PHF21A: variants seen among roughly 807,000 people sequenced by gnomAD.
PHF21A encodes BHC80a.
PHF21A carries 11 observed loss-of-function variants against 82.5 expected under a neutral mutation model. The ratio of observed to expected loss-of-function variants is 0.13; its 90% confidence interval spans 0.08 to 0.22. PHF21A has a LOEUF of 0.22. PHF21A is among the 10% of genes least tolerant of loss of function. PHF21A has a pLI of 1.00. For synonymous variants in PHF21A, 297 were observed against 302.8 expected, an observed-to-expected ratio of 0.98 and a Z score of 0.20; for missense variants, 579 against 837.8, an observed-to-expected ratio of 0.69 and a Z score of 3.81.
At chr11:46,007,692 G>A (rs994978443) in intron 6 of PHF21A, among the ~76,000 whole-genome samples, 5 of 152,042 alleles carry the variant, frequency 3.3e-5, no homozygotes, top group South Asian at 2.1e-4. Flanking sequence ...TATTAAATCC[G>A]TCATTTTAAA....
intron 6 of PHF21A, among the ~76,000 whole-genome samples, chr11:46,021,041 G>A (rs908547270): frequency 3.3e-5 from 5 of 151,324 alleles, no homozygotes; most frequent in African/African-American, 9.7e-5. Flanking sequence ...AATATGGAAG[G>A]GACCATTAGA....
chr11:46,036,462 GA>G (rs2096005906), intron 6 of PHF21A, among the ~76,000 whole-genome samples: 2 of 152,262 alleles, frequency 1.3e-5, no homozygotes, highest in Non-Finnish European at 2.9e-5. Flanking sequence ...ATATTCACTG[GA>G]ATTTTGAAGA....
Position 45,949,417 on chromosome 11 carries a change from T to C in PHF21A, c.1212A>G (p.Ala404=), listed in dbSNP as rs188111239. The C allele has an allele frequency of 2.5e-6, 4 of 1,614,144 alleles. No individual in the cohort carries two copies. Among genetic ancestry groups the C allele is most frequent in the Middle Eastern group, 1.6e-4 (1 of 6,062 alleles). ...RTTANPVYSG[A]VFEPERKKSA... Reference sequence around the variant, plus strand: ...CCAGTAATACCTCTGGCTCAAAGACTGCTCCACTGTAGACCGGATTTGCTG... The same window carrying C: ...CCAGTAATACCTCTGGCTCAAAGACCGCTCCACTGTAGACCGGATTTGCTG... The change falls in exon 13 of 19, where the codon GCA becomes GCG. Residue 404 remains alanine (A), a synonymous_variant. Transcript: ENST00000676320.
intron 6 of PHF21A, among the ~76,000 whole-genome samples, chr11:45,984,553 G>T (rs963457970): frequency 6.6e-6 from 1 of 152,170 alleles, no homozygotes; most frequent in East Asian, 1.9e-4. Context: ...GAAAAATACG[G>T]AATTTTATAG....
intron 7 of PHF21A, among the ~76,000 whole-genome samples, chr11:45,976,972 G>T (rs1307888676): frequency 6.6e-6 from 1 of 152,106 alleles, no homozygotes; most frequent in African/African-American, 2.4e-5. Context: ...ATTTAAAAAA[G>T]GTTGGCAAAA....
chr11:45,992,967 G>A (rs1399963852), intron 6 of PHF21A, among the ~76,000 whole-genome samples: 1 of 152,200 alleles, frequency 6.6e-6, no homozygotes, highest in Non-Finnish European at 1.5e-5. Flanking sequence ...TTAAAGAGCT[G>A]TAGAGTAGAG....
chr11:46,087,679 G>A (rs2096872643), intron 3 of PHF21A, among the ~76,000 whole-genome samples: 1 of 152,140 alleles, frequency 6.6e-6, no homozygotes, highest in Non-Finnish European at 1.5e-5. Flanking sequence ...AATCTTGTTT[G>A]TTTAATTTTA....
intron 9 of PHF21A, among the ~76,000 whole-genome samples, chr11:45,966,880 G>A (rs1038307731): frequency 2.6e-5 from 4 of 152,154 alleles, no homozygotes; most frequent in African/African-American, 9.7e-5. Context: ...GCCTCCCAGA[G>A]TGCTGGGATT....
intron 6 of PHF21A, among the ~76,000 whole-genome samples, chr11:46,068,856 T>G (rs773209259): frequency 1.6e-4 from 24 of 152,234 alleles, no homozygotes; most frequent in Non-Finnish European, 2.8e-4. Context: ...AGCAAACTGA[T>G]GCATCTGGTA....
intron 15 of PHF21A, 93 bp downstream of exon 15, chr11:45,945,747 A>T: frequency 9.4e-7 from 1 of 1,060,334 alleles, no homozygotes; most frequent in Non-Finnish European, 1.4e-6. Context: ...GGGTTAGTCA[A>T]GAAGGTGCAA....
intron 1 of PHF21A, among the ~76,000 whole-genome samples, chr11:46,109,732 A>T (rs1396908332): frequency 6.6e-6 from 1 of 152,190 alleles, no homozygotes; most frequent in Non-Finnish European, 1.5e-5. Context: ...CTGTAATCCC[A>T]GCACTTTGGG....
chr11:45,965,002 C>G (rs1402299310), intron 10 of PHF21A, among the ~76,000 whole-genome samples: 3 of 152,180 alleles, frequency 2.0e-5, no homozygotes, highest in Non-Finnish European at 4.4e-5. Context: ...TTTCTGTTTA[C>G]TACCTCATCT....
At chr11:46,056,761 G>A (rs1565770316) in intron 6 of PHF21A, among the ~76,000 whole-genome samples, 1 of 152,114 alleles carries the variant, frequency 6.6e-6, no homozygotes, top group Non-Finnish European at 1.5e-5. Flanking sequence ...AAGACCCTTA[G>A]AGAGGGAAAC....
chr11:45,950,059 C>T, intron 12 of PHF21A, 147 bp downstream of exon 12: 2 of 619,164 alleles, frequency 3.2e-6, no homozygotes, highest in South Asian at 2.4e-5. Context: ...AGGCAATTTT[C>T]CCACTAAAGG....
chr11:46,091,433 T>C (rs2096923655), intron 2 of PHF21A, among the ~76,000 whole-genome samples: 1 of 152,176 alleles, frequency 6.6e-6, no homozygotes, highest in Admixed American at 6.5e-5. Context: ...CCTCTCAAAG[T>C]AGATATTAGG....
At chr11:46,102,102 C>T (rs1290439825) in intron 1 of PHF21A, among the ~76,000 whole-genome samples, 1 of 151,970 alleles carries the variant, frequency 6.6e-6, no homozygotes, top group Non-Finnish European at 1.5e-5. Flanking sequence ...GTGATCCACC[C>T]GCCTCGGCCT....
intron 6 of PHF21A, among the ~76,000 whole-genome samples, chr11:46,006,346 A>G (rs766934156): frequency 4.6e-5 from 7 of 152,236 alleles, no homozygotes; most frequent in Non-Finnish European, 8.8e-5. Flanking sequence ...TTGTATATAC[A>G]ATTAGGGCAA....
intron 6 of PHF21A, among the ~76,000 whole-genome samples, chr11:46,022,991 T>A (rs2095661306): frequency 6.6e-6 from 1 of 152,156 alleles, no homozygotes; most frequent in Admixed American, 6.5e-5. Flanking sequence ...TCTCAGGTGA[T>A]CTGTCTGCCT....
Position 45,938,056 on chromosome 11 carries a change from G to A in PHF21A, c.1608+101C>T. On this transcript the variant is annotated intron_variant, in intron 16 of 18. Transcript: ENST00000676320. The stretch of plus-strand genomic sequence containing the variant: ...GAAGATGCAGCCCGGAGACGGACTG[G>A]GAGAGAGAAGAGACTGCCATTTCCC... 4 of 1,020,596 alleles carry A rather than the reference G, an allele frequency of 3.9e-6. No homozygotes were observed. In the South Asian group the frequency reaches 5.4e-5, roughly 14 times the overall value. The allele number at this position is 1,020,596 out of a possible 1,614,324, so 63.2% of individuals were successfully genotyped here. A position where few individuals can be genotyped will look rare whatever the true frequency, so the allele number is the denominator to read the frequency against.
Sources: allele counts gnomAD v4.1 joint callset (sites outside exome capture counted in the v4.1 genomes callset), GRCh38; gene constraint gnomAD v4.1.1; transcripts MANE v1.5; gene names NCBI Gene and HGNC (gene_info 2026-07-23, HGNC 2026-07-21).